The following PDGFC variants were observed in gnomAD, a reference collection of about 807,000 sequenced individuals.
PDGFC encodes the protein platelet-derived growth factor C.
A neutral mutation model predicts 35.5 loss-of-function variants in PDGFC; 12 were observed. That is an observed-to-expected ratio of 0.34 (90% CI 0.22 to 0.55). The LOEUF (loss-of-function observed/expected upper bound fraction) is 0.55, where lower values mean the gene tolerates loss of function less well. PDGFC is among the 20% of genes least tolerant of loss of function. The pLI is 0.91. For missense variants in PDGFC, 322 were observed against 412.4 expected, an observed-to-expected ratio of 0.78 and a Z score of 1.90; for synonymous variants, 159 against 148.8, an observed-to-expected ratio of 1.07 and a Z score of -0.50.
intron 1 of PDGFC, among the ~76,000 whole-genome samples, chr4:156,917,347 T>C (rs935430374): frequency 6.6e-6 from 1 of 152,232 alleles, no homozygotes; most frequent in Non-Finnish European, 1.5e-5. Flanking sequence ...CATAGTTCTA[T>C]GGGAAATTTA....
intron 2 of PDGFC, among the ~76,000 whole-genome samples, chr4:156,840,928 G>A (rs917866210): frequency 1.3e-5 from 2 of 152,160 alleles, no homozygotes; most frequent in South Asian, 4.1e-4. Flanking sequence ...CTCCCATTTG[G>A]AATGGGTGTA....
At chr4:156,919,919 C>A (rs184851679) in intron 1 of PDGFC, among the ~76,000 whole-genome samples, 1 of 152,126 alleles carries the variant, frequency 6.6e-6, no homozygotes, top group Non-Finnish European at 1.5e-5. Context: ...GGGTTTGGAT[C>A]ATGAGTGTCA....
In PDGFC at chr4:156,971,415, C is replaced by A. The variant is rs1366529455; in HGVS notation, c.-512G>T. Reference sequence around the variant, plus strand: ...CGGGCGCCCCTCTCCCCCGCCCCACCCCCCACCCCCGAAGGGGGAGGGGGA... The same window carrying A: ...CGGGCGCCCCTCTCCCCCGCCCCACACCCCACCCCCGAAGGGGGAGGGGGA... On this transcript the variant is annotated 5_prime_UTR_variant, in exon 1 of 6. Coordinates refer to ENST00000502773, the MANE Select transcript of PDGFC (RefSeq NM_016205.3). 1 of 388,066 alleles carries A rather than the reference C, an allele frequency of 2.6e-6. No individual in the cohort carries two copies. The highest frequency in any genetic ancestry group is 4.6e-6 in the Non-Finnish European group (1 of 219,630). The allele number at this position is 388,066 out of a possible 1,614,324, so 24.0% of individuals were successfully genotyped here.
intron 3 of PDGFC, among the ~76,000 whole-genome samples, chr4:156,790,721 AT>A (rs1160583364): frequency 6.6e-6 from 1 of 152,148 alleles, no homozygotes; most frequent in East Asian, 1.9e-4. Flanking sequence ...ATTTATTGAG[AT>A]TTTTTCATCC....
chr4:156,830,120 C>G (rs945668611), intron 2 of PDGFC, among the ~76,000 whole-genome samples: 2 of 151,710 alleles, frequency 1.3e-5, no homozygotes. Flanking sequence ...ATTTCAATTA[C>G]TAAGTTGAAA....
intron 1 of PDGFC, among the ~76,000 whole-genome samples, chr4:156,962,672 C>T (rs151264045): frequency 1.7e-3 from 261 of 152,240 alleles, no homozygotes; most frequent in African/African-American, 6.0e-3. Context: ...GGAAGAGGCA[C>T]GTGGCTCTGA....
chr4:156,914,246 C>T (rs937375721), intron 1 of PDGFC, among the ~76,000 whole-genome samples: 11 of 152,088 alleles, frequency 7.2e-5, no homozygotes, highest in African/African-American at 2.7e-4. Context: ...ATCTCAGAAG[C>T]TTCTAAAAAC....
At chr4:156,808,602 T>C (rs1361728144) in intron 3 of PDGFC, among the ~76,000 whole-genome samples, 4 of 152,006 alleles carry the variant, frequency 2.6e-5, no homozygotes, top group African/African-American at 9.7e-5. Flanking sequence ...CATTAATCTG[T>C]TACACAGATA....
chr4:156,768,173 A>T (rs1477430740), intron 4 of PDGFC, among the ~76,000 whole-genome samples, 183 bp from the exon 5 acceptor site: 1 of 152,084 alleles, frequency 6.6e-6, no homozygotes, highest in Non-Finnish European at 1.5e-5. Flanking sequence ...CTTCTAGTTC[A>T]TAGCAAACAA....
intron 2 of PDGFC, among the ~76,000 whole-genome samples, chr4:156,829,105 G>A (rs1405593371): frequency 6.6e-6 from 1 of 152,128 alleles, no homozygotes; most frequent in African/African-American, 2.4e-5. Context: ...AGAAATAGAA[G>A]TAATCTTATT....
intron 5 of PDGFC, among the ~76,000 whole-genome samples, chr4:156,764,326 T>C (rs1361949114): frequency 1.3e-5 from 2 of 152,178 alleles, no homozygotes; most frequent in Non-Finnish European, 2.9e-5. Flanking sequence ...TTAGCTAACA[T>C]TTTTTGAATG....
At chr4:156,887,567 T>C (rs372074944) in intron 1 of PDGFC, among the ~76,000 whole-genome samples, 15 of 152,092 alleles carry the variant, frequency 9.9e-5, no homozygotes, top group Admixed American at 3.3e-4. Context: ...AATGTAGGAG[T>C]CCAGGTTGAT....
chr4:156,881,303 C>T (rs1730235668), intron 1 of PDGFC, among the ~76,000 whole-genome samples: 1 of 152,060 alleles, frequency 6.6e-6, no homozygotes, highest in African/African-American at 2.4e-5. Context: ...AAGGTATGTA[C>T]ATTGTTGTTT....
At chr4:156,929,850 A>T (rs776907977) in intron 1 of PDGFC, among the ~76,000 whole-genome samples, 31 of 152,228 alleles carry the variant, frequency 2.0e-4, no homozygotes, top group Non-Finnish European at 3.5e-4. Flanking sequence ...GGTCCTTTCA[A>T]GATGCCTGTG....
intron 2 of PDGFC, among the ~76,000 whole-genome samples, chr4:156,812,370 AAT>A (rs1250633055): frequency 6.6e-6 from 1 of 152,104 alleles, no homozygotes; most frequent in Non-Finnish European, 1.5e-5. Context: ...TTGCTATTTT[AAT>A]AGATTTATAT....
intron 3 of PDGFC, among the ~76,000 whole-genome samples, chr4:156,795,819 A>T (rs537044028): frequency 2.3e-4 from 35 of 152,328 alleles, no homozygotes; most frequent in South Asian, 1.2e-3. Context: ...CACTACAGTC[A>T]TCAATCTTTT....
rs1468002891 is a variant in PDGFC, at chr4:156,825,587, TAATAATAAGAAGAAGAAGAAGAAGAAG to T, written c.315-14597_315-14571del. On this transcript the variant is annotated intron_variant, in intron 2 of 5. Coordinates refer to ENST00000502773, the MANE Select transcript of PDGFC (RefSeq NM_016205.3). Reference sequence around the variant, plus strand: ...ATAATAATAATAATAATAATAATAATAATAATAAGAAGAAGAAGAAGAAGAAGAAGAAGAAGAAGAAGAAGAAGAAGA... The same window carrying T: ...ATAATAATAATAATAATAATAATAATAAGAAGAAGAAGAAGAAGAAGAAGA... Among the ~76,000 whole-genome samples the T allele has an allele frequency of 5.3e-3, 463 of 87,148 alleles. 2 individuals are homozygous for T. Among genetic ancestry groups the T allele is most frequent in the Middle Eastern group, 0.01 (2 of 192 alleles). 57.2% of individuals were successfully genotyped at this position (87,148 alleles called of 152,430 possible).
At chr4:156,819,488 T>C (rs937435903) in intron 2 of PDGFC, among the ~76,000 whole-genome samples, 2 of 152,234 alleles carry the variant, frequency 1.3e-5, no homozygotes, top group Non-Finnish European at 2.9e-5. Flanking sequence ...CTGCCTATGC[T>C]GTATCAATGG....
chr4:156,814,932 C>A (rs1454674821), intron 2 of PDGFC, among the ~76,000 whole-genome samples: 1 of 152,140 alleles, frequency 6.6e-6, no homozygotes, highest in African/African-American at 2.4e-5. Context: ...AGATTTCCAA[C>A]TGAATTTGAT....
Sources: gnomAD v4.1 joint callset for allele counts (sites outside exome capture counted in the v4.1 genomes callset) on GRCh38, gnomAD v4.1.1 for gene constraint, MANE v1.5 for transcripts, NCBI Gene and HGNC (gene_info 2026-07-23, HGNC 2026-07-21) for gene names.